PTPN9: variants seen among roughly 807,000 people sequenced by gnomAD.
The protein encoded by PTPN9 is protein tyrosine phosphatase non-receptor type 9.
In PTPN9, 26 loss-of-function variants were observed where a neutral mutation model predicts 69.8. The observed-to-expected ratio is 0.37, with a 90% CI of 0.27 to 0.52. PTPN9 has a LOEUF of 0.52. Among genes scored for constraint, PTPN9 ranks in the 20% least tolerant of loss-of-function variants. The probability of loss-of-function intolerance (pLI) is 0.91; values close to 1 mark genes in which losing one functional copy is unlikely to be tolerated. For missense variants in PTPN9, 549 were observed against 740.3 expected (o/e 0.74, Z 3.00); for synonymous variants, 274 against 272.5 (o/e 1.01, Z -0.05).
At position 75,465,067 on chromosome 15, in the gene PTPN9, G is replaced by A. The variant is rs1367199560; in HGVS notation, c.*3702C>T. The A allele has an allele frequency of 1.3e-5, 2 of 152,170 alleles. No individual in the cohort carries two copies. The highest frequency in any genetic ancestry group is 4.8e-5 in the African/African-American group (2 of 41,456). 9.4% of individuals were successfully genotyped at this position (152,170 alleles called of 1,614,324 possible). ...AGAAGCAGAAGCCTGCTTTAGCTCAGTGTTTTCTTCTTTCCTGAACACTGT... is the reference window on the plus strand; with the variant it reads ...AGAAGCAGAAGCCTGCTTTAGCTCAATGTTTTCTTCTTTCCTGAACACTGT... On this transcript the variant is annotated 3_prime_UTR_variant, in exon 13 of 13. Transcript: ENST00000618819.
intron 8 of PTPN9, among the ~76,000 whole-genome samples, chr15:75,486,024 C>T (rs968590423): frequency 5.7e-5 from 8 of 139,626 alleles, no homozygotes; most frequent in Admixed American, 4.6e-4. Flanking sequence ...GGCACGAACC[C>T]GGGAGGTGGA....
chr15:75,533,808 C>T (rs2074972640), intron 1 of PTPN9, among the ~76,000 whole-genome samples: 1 of 152,130 alleles, frequency 6.6e-6, no homozygotes, highest in Non-Finnish European at 1.5e-5. Context: ...CTCCATGTTA[C>T]ATCAAACTCC....
chr15:75,577,630 T>C (rs753113618), intron 1 of PTPN9, among the ~76,000 whole-genome samples: 13 of 152,214 alleles, frequency 8.5e-5, no homozygotes, highest in Non-Finnish European at 1.5e-4. Flanking sequence ...ACAAGCCCAT[T>C]AGCCAATAAT....
At chr15:75,503,036 G>A (rs2074782509) in intron 7 of PTPN9, among the ~76,000 whole-genome samples, 1 of 152,106 alleles carries the variant, frequency 6.6e-6, no homozygotes, top group Non-Finnish European at 1.5e-5. Flanking sequence ...TGCCGAGATT[G>A]CAGCCTCTGC....
chr15:75,504,364 C>G (rs2074800861), intron 7 of PTPN9, among the ~76,000 whole-genome samples: 1 of 125,784 alleles, frequency 8.0e-6, no homozygotes, highest in Non-Finnish European at 1.7e-5. Flanking sequence ...GGCCAGCCAC[C>G]CCGTCCGGGA....
At chr15:75,567,811 A>G (rs2075132752) in intron 1 of PTPN9, among the ~76,000 whole-genome samples, 1 of 151,956 alleles carries the variant, frequency 6.6e-6, no homozygotes, top group Non-Finnish European at 1.5e-5. Flanking sequence ...CCTGACTAAC[A>G]CGGTGAAACC....
Position 75,468,859 on chromosome 15 carries a change from G to C in PTPN9, c.1692C>G (p.Tyr564Ter). Residue 564 changes from tyrosine (Y) to a stop codon, truncating the protein, a stop_gained, in exon 13 of 13, where the codon TAC (tyrosine) becomes TAG (stop). Transcript: ENST00000618819. LOFTEE classifies it high-confidence loss of function. ...CCAGGATGGCCTTGTAGCAAAAATA[G>C]TACTGCTCAGGGGTCTGGATGCTGA... ...RAFSIQTPEQ[Y>*]YFCYKAILEF... The C allele has an allele frequency of 1.2e-6, 2 of 1,614,190 alleles. No homozygotes were observed. Among genetic ancestry groups the C allele is most frequent in the Non-Finnish European group, 1.7e-6 (2 of 1,180,016 alleles).
chr15:75,574,234 G>C (rs770713219), intron 1 of PTPN9, among the ~76,000 whole-genome samples: 9 of 150,652 alleles, frequency 6.0e-5, no homozygotes, highest in Non-Finnish European at 1.3e-4. Flanking sequence ...GTAATGAGCC[G>C]TGATTACACC....
At chr15:75,531,715 C>T (rs1481673679) in intron 1 of PTPN9, among the ~76,000 whole-genome samples, 1 of 152,008 alleles carries the variant, frequency 6.6e-6, no homozygotes, top group Non-Finnish European at 1.5e-5. Flanking sequence ...CCCGCCACCA[C>T]ACCCGGCTAA....
chr15:75,578,830 G>A lies in PTPN9; in HGVS notation c.-54C>T, dbSNP rs1290348705. 2 of 1,141,316 alleles carry A rather than the reference G, an allele frequency of 1.8e-6. No individual in the cohort carries two copies. The highest frequency in any genetic ancestry group is 3.7e-5 in the East Asian group (1 of 27,368). 70.7% of individuals were successfully genotyped at this position (1,141,316 alleles called of 1,614,324 possible). On this transcript the variant is annotated 5_prime_UTR_variant, in exon 1 of 13. Coordinates refer to ENST00000618819, the MANE Select transcript of PTPN9 (RefSeq NM_002833.4). ...AACTCGCTCGCGAGCGCGGGAGCCC[G>A]GCGCGCTCGGCCTCCGCTTCCGCGT...
chr15:75,530,257 C>T (rs2074949267), intron 1 of PTPN9, among the ~76,000 whole-genome samples: 1 of 140,712 alleles, frequency 7.1e-6, no homozygotes, highest in African/African-American at 2.6e-5. Flanking sequence ...AAAGGGAGGG[C>T]TAGGCACGGT....
At chr15:75,528,485 C>G (rs1373760904) in intron 1 of PTPN9, among the ~76,000 whole-genome samples, 1 of 151,838 alleles carries the variant, frequency 6.6e-6, no homozygotes, top group Non-Finnish European at 1.5e-5. Context: ...TGGGCTCAAA[C>G]AATCCTCCAG....
chr15:75,569,757 T>C (rs543160579), intron 1 of PTPN9, among the ~76,000 whole-genome samples: 4 of 151,694 alleles, frequency 2.6e-5, no homozygotes, highest in East Asian at 3.9e-4. Context: ...AAGTACTAGG[T>C]TGGGTTCCTT....
rs186301766 is a variant in PTPN9, at chr15:75,464,935, C to A, written c.*3834G>T. ...TCCCATCCTAGCCAATGAGGATGGG[C>A]AAGATGAAGGGAGCAATGGGAAAAA... On this transcript the variant is annotated 3_prime_UTR_variant, in exon 13 of 13. Coordinates refer to ENST00000618819, the MANE Select transcript of PTPN9 (RefSeq NM_002833.4). 2.6e-5 allele frequency: 4 copies of A among 151,958 alleles called. No individual in the cohort carries two copies. Among genetic ancestry groups the A allele is most frequent in the African/African-American group, 7.2e-5 (3 of 41,390 alleles). The allele number at this position is 151,958 out of a possible 1,614,324, so 9.4% of individuals were successfully genotyped here.
intron 7 of PTPN9, among the ~76,000 whole-genome samples, chr15:75,496,744 C>T (rs958156747): frequency 6.6e-6 from 1 of 151,846 alleles, no homozygotes; most frequent in Non-Finnish European, 1.5e-5. Flanking sequence ...TAGGCTCAAA[C>T]GATCTACCCA....
chr15:75,470,115 A>C, intron 11 of PTPN9, 116 bp from the exon 12 acceptor site: 3 of 920,206 alleles, frequency 3.3e-6, no homozygotes, highest in Non-Finnish European at 5.0e-6. Flanking sequence ...GCTCCTATCC[A>C]CCACTGTCAA....
chr15:75,488,081 G>C (rs2074688722), intron 8 of PTPN9, among the ~76,000 whole-genome samples: 1 of 151,580 alleles, frequency 6.6e-6, no homozygotes, highest in African/African-American at 2.4e-5. Flanking sequence ...AGGAGTTCAA[G>C]ACCAGCCTGA....
intron 1 of PTPN9, among the ~76,000 whole-genome samples, chr15:75,542,617 T>C (rs1424453515): frequency 6.6e-6 from 1 of 152,204 alleles, no homozygotes; most frequent in African/African-American, 2.4e-5. Context: ...TCAGTGTTAA[T>C]GACTTCCTAC....
chr15:75,565,283 G>T (rs1464039006), intron 1 of PTPN9, among the ~76,000 whole-genome samples: 3 of 152,068 alleles, frequency 2.0e-5, no homozygotes, highest in Admixed American at 2.0e-4. Context: ...AGTATGAGAA[G>T]TCAATTGCTG....
Sources: allele counts gnomAD v4.1 joint callset (sites outside exome capture counted in the v4.1 genomes callset), GRCh38; gene constraint gnomAD v4.1.1; transcripts MANE v1.5; gene names NCBI Gene and HGNC (gene_info 2026-07-23, HGNC 2026-07-21).